EHHADH: variants seen among roughly 807,000 people sequenced by gnomAD.
EHHADH encodes the protein peroxisomal bifunctional enzyme.
Under a neutral mutation model 64.4 loss-of-function variants are expected in EHHADH, and 48 were observed. The observed-to-expected ratio is 0.75, with a 90% CI of 0.59 to 0.95. The LOEUF (loss-of-function observed/expected upper bound fraction) is 0.95, where lower values mean the gene tolerates loss of function less well. EHHADH is among the 40% of genes least tolerant of loss of function. The pLI, the probability that EHHADH is intolerant of heterozygous loss-of-function variation, is 0.00. For synonymous variants in EHHADH, 308 were observed against 326.7 expected (o/e 0.94, Z 0.62); for missense variants, 854 against 876.6 (o/e 0.97, Z 0.33).
chr3:185,245,614 T>C (rs1339309904), intron 2 of EHHADH: 3 of 736,290 alleles, frequency 4.1e-6, no homozygotes, highest in Non-Finnish European at 7.4e-6. Flanking sequence ...GTGATCAGCA[T>C]GTGTGACAAG....
At chr3:185,252,962 C>T (rs1271242000) in intron 1 of EHHADH, among the ~76,000 whole-genome samples, 1 of 151,864 alleles carries the variant, frequency 6.6e-6, no homozygotes, top group African/African-American at 2.4e-5. Context: ...AAGGACCAAA[C>T]CAAATAATCA....
In EHHADH at chr3:185,204,747, T is replaced by C. The variant is rs1718341392; in HGVS notation, c.579A>G (p.Leu193=). ...GCTTGTTGCAGAGTCTACGGGATTC[T>C]AGAGGTTGATCTGAAAGGAATAAGA... is the stretch of plus-strand genomic sequence containing the variant. The part of the protein sequence containing the change: ...RFAQRVSDQP[L]ESRRLCNKPI... Residue 193 remains leucine (L), a synonymous_variant, in exon 6 of 7, where the codon CTA becomes CTG. Coordinates refer to ENST00000231887, the MANE Select transcript of EHHADH (RefSeq NM_001966.4). The C allele has an allele frequency of 6.2e-7, 1 of 1,604,270 alleles. No individual in the cohort carries two copies. The highest frequency in any genetic ancestry group is 1.3e-5 in the African/African-American group (1 of 74,868).
intron 6 of EHHADH, among the ~76,000 whole-genome samples, chr3:185,202,009 GTTCT>G (rs1718241569): frequency 6.6e-6 from 1 of 152,314 alleles, no homozygotes; most frequent in South Asian, 2.1e-4. Context: ...AACAATCATA[GTTCT>G]TTGTCACTCT....
chr3:185,220,611 T>C (rs1295174152), intron 4 of EHHADH, among the ~76,000 whole-genome samples: 1 of 152,256 alleles, frequency 6.6e-6, no homozygotes, highest in Non-Finnish European at 1.5e-5. Context: ...GCTGGACTTT[T>C]ATCCTGTATC....
intron 5 of EHHADH, among the ~76,000 whole-genome samples, chr3:185,208,346 A>G (rs1403984673): frequency 6.6e-6 from 1 of 152,110 alleles, no homozygotes; most frequent in Non-Finnish European, 1.5e-5. Context: ...CTACAGCCAC[A>G]GACAACACCT....
At chr3:185,195,820 G>A (rs140147738) in intron 6 of EHHADH, among the ~76,000 whole-genome samples, 114 of 152,226 alleles carry the variant, frequency 7.5e-4, no homozygotes, top group African/African-American at 2.6e-3. Context: ...CCTACCTATC[G>A]GGTACTGTGT....
chr3:185,222,745 T>C (rs761748304), intron 4 of EHHADH, among the ~76,000 whole-genome samples: 4 of 152,192 alleles, frequency 2.6e-5, no homozygotes, highest in Non-Finnish European at 5.9e-5. Context: ...TCTGTAAAGG[T>C]CTTAGGCCAC....
chr3:185,213,542 C>T (rs1340018806), intron 5 of EHHADH, among the ~76,000 whole-genome samples: 1 of 151,916 alleles, frequency 6.6e-6, no homozygotes, highest in African/African-American at 2.4e-5. Context: ...CAAGTTAATC[C>T]ATCAATTTTG....
At chr3:185,208,045 G>T (rs955758654) in intron 5 of EHHADH, among the ~76,000 whole-genome samples, 4 of 152,232 alleles carry the variant, frequency 2.6e-5, no homozygotes, top group Non-Finnish European at 5.9e-5. Flanking sequence ...CAGACTCTAA[G>T]TAATGGGCTG....
chr3:185,212,985 T>C (rs2108634593), intron 5 of EHHADH, among the ~76,000 whole-genome samples: 1 of 151,952 alleles, frequency 6.6e-6, no homozygotes, highest in African/African-American at 2.4e-5. Context: ...CCGGGTGTGC[T>C]GCCTTGTGCC....
intron 5 of EHHADH, among the ~76,000 whole-genome samples, chr3:185,215,584 T>C (rs995417): frequency 0.9 from 136,559 of 152,246 alleles, 61,409 homozygotes; most frequent in Non-Finnish European, 0.92. Context: ...GCCATGGTTA[T>C]ACAACTGTAA....
At chr3:185,219,396 G>A (rs146730069) in intron 4 of EHHADH, among the ~76,000 whole-genome samples, 62 of 152,298 alleles carry the variant, frequency 4.1e-4, no homozygotes, top group African/African-American at 1.3e-3. Flanking sequence ...AAGCAGCAGC[G>A]ACAGGTTAAA....
At chr3:185,227,485 T>A (rs6809283) in intron 4 of EHHADH, among the ~76,000 whole-genome samples, 2 of 151,296 alleles carry the variant, frequency 1.3e-5, no homozygotes, top group Non-Finnish European at 2.9e-5. Flanking sequence ...TGAGCTGAGA[T>A]CGCAGCATTG....
chr3:185,235,897 A>G (rs1719278491), intron 2 of EHHADH, among the ~76,000 whole-genome samples: 1 of 152,176 alleles, frequency 6.6e-6, no homozygotes, highest in Non-Finnish European at 1.5e-5. Context: ...ACTTAGCTCC[A>G]TATCTTTGTT....
intron 4 of EHHADH, among the ~76,000 whole-genome samples, chr3:185,227,930 C>T (rs959653114): frequency 6.6e-6 from 1 of 151,818 alleles, no homozygotes; most frequent in African/African-American, 2.4e-5. Context: ...GTAACTTATC[C>T]GATTTTCGCC....
intron 5 of EHHADH, among the ~76,000 whole-genome samples, chr3:185,215,492 C>T (rs183502304): frequency 1.9e-3 from 288 of 152,166 alleles, no homozygotes; most frequent in African/African-American, 6.6e-3. Flanking sequence ...TGGTTGCCTG[C>T]GGCCAAGGGG....
At chr3:185,227,327 G>C (rs1719004989) in intron 4 of EHHADH, among the ~76,000 whole-genome samples, 1 of 152,186 alleles carries the variant, frequency 6.6e-6, no homozygotes, top group African/African-American at 2.4e-5. Flanking sequence ...GAGGTTGGTA[G>C]TTCCAGACCA....
At chr3:185,210,980 T>C (rs1174496057) in intron 5 of EHHADH, among the ~76,000 whole-genome samples, 1 of 152,226 alleles carries the variant, frequency 6.6e-6, no homozygotes, top group African/African-American at 2.4e-5. Context: ...CCAAGGCACT[T>C]GTCTAGACCA....
chr3:185,197,538 T>C (rs1011954031), intron 6 of EHHADH, among the ~76,000 whole-genome samples: 2 of 152,206 alleles, frequency 1.3e-5, no homozygotes. Context: ...TAAGTGGAAT[T>C]ATGCAGTATT....
Sources: allele counts gnomAD v4.1 joint callset (sites outside exome capture counted in the v4.1 genomes callset), GRCh38; gene constraint gnomAD v4.1.1; transcripts MANE v1.5; gene names NCBI Gene and HGNC (gene_info 2026-07-23, HGNC 2026-07-21).